Variants in VIRMA observed in about 807,000 individuals in gnomAD.
VIRMA encodes the protein protein virilizer homolog.
In VIRMA, 65 loss-of-function variants were observed where a neutral mutation model predicts 182.4. That is an observed-to-expected ratio of 0.36 (90% CI 0.29 to 0.44). The LOEUF is 0.44. Ranked by LOEUF, VIRMA falls within the 20% of genes least tolerant of loss-of-function variation. The pLI is 1.00. For missense variants in VIRMA, 1,752 were observed against 2,158.1 expected (o/e 0.81, Z 3.73); for synonymous variants, 709 against 743.1 (o/e 0.95, Z 0.75).
In VIRMA at chr8:94,531,091, G is replaced by T. The variant is rs949353573; in HGVS notation, c.485-6C>A. On this transcript the variant is annotated splice_region_variant and splice_polypyrimidine_tract_variant and intron_variant, in intron 5 of 23. Coordinates refer to ENST00000297591, the MANE Select transcript of VIRMA (RefSeq NM_015496.5). ...ATCTTCTTTCTCCCCATCAGCTAGT[G>T]TTTTATGGGAGACAGAAAAAGAACT... is the stretch of plus-strand genomic sequence containing the variant. The T allele has an allele frequency of 3.3e-5, 51 of 1,526,774 alleles. No individual in the cohort carries two copies. Among genetic ancestry groups the T allele is most frequent in the Non-Finnish European group, 4.2e-5 (48 of 1,142,062 alleles). 94.6% of individuals were successfully genotyped at this position (1,526,774 alleles called of 1,614,324 possible). A position where few individuals can be genotyped will look rare whatever the true frequency, so the allele number is the denominator to read the frequency against.
At chr8:94,507,324 G>A (rs866327388) in intron 15 of VIRMA, among the ~76,000 whole-genome samples, 14 of 151,466 alleles carry the variant, frequency 9.2e-5, no homozygotes, top group Middle Eastern at 3.4e-3. Context: ...TAGTATAGAC[G>A]GGGTTTCTCC....
At chr8:94,535,777 G>A (rs1815322033) in intron 4 of VIRMA, among the ~76,000 whole-genome samples, 1 of 147,104 alleles carries the variant, frequency 6.8e-6, no homozygotes. Context: ...GCGAGACTTG[G>A]TCTCAAAAAA....
intron 2 of VIRMA, among the ~76,000 whole-genome samples, chr8:94,541,030 T>G (rs1019609644): frequency 2.0e-5 from 3 of 151,872 alleles, no homozygotes; most frequent in Admixed American, 1.3e-4. Context: ...TATATATGTA[T>G]GAACACACAC....
At chr8:94,538,229 T>C in intron 3 of VIRMA, 31 bp downstream of exon 3, 1 of 1,414,678 alleles carries the variant, frequency 7.1e-7, no homozygotes, top group Non-Finnish European at 1.0e-6. Flanking sequence ...AACTCATGAG[T>C]TTCTGGTGAA....
At chr8:94,505,009 C>G (rs1221938470) in intron 16 of VIRMA, among the ~76,000 whole-genome samples, 5 of 152,132 alleles carry the variant, frequency 3.3e-5, no homozygotes, top group Non-Finnish European at 7.4e-5. Flanking sequence ...CCTAACCCAA[C>G]TAGGAAAGCT....
chr8:94,550,290 A>ATTTTTTTTTTTTTTT (rs11356608), intron 1 of VIRMA, among the ~76,000 whole-genome samples: 1 of 143,096 alleles, frequency 7.0e-6, no homozygotes. Context: ...TCTCTGAACC[A>ATTTTTTTTTTTTTTT]TTTTTTTTTT....
chr8:94,506,107 T>C (rs764076253), intron 16 of VIRMA, among the ~76,000 whole-genome samples: 18 of 152,284 alleles, frequency 1.2e-4, no homozygotes, highest in Non-Finnish European at 8.8e-5. Context: ...CAATTCCCCA[T>C]AGATACTGAG....
chr8:94,527,422 T>C (rs1302772118), intron 7 of VIRMA, 59 bp from the exon 8 acceptor site: 6 of 1,046,330 alleles, frequency 5.7e-6, no homozygotes, highest in Non-Finnish European at 6.7e-6. Flanking sequence ...ATACATAAAT[T>C]CTGATTGAAC....
In VIRMA at chr8:94,511,663, G is replaced by C. The variant is rs776582061; in HGVS notation, c.2912C>G (p.Thr971Arg). 2.5e-6 allele frequency: 4 copies of C among 1,613,918 alleles called. No individual in the cohort carries two copies. Among genetic ancestry groups the C allele is most frequent in the Non-Finnish European group, 3.4e-6 (4 of 1,179,874 alleles). Residue 971 changes from threonine (T) to arginine (R), a missense_variant, in exon 13 of 24, where the codon ACG (threonine) becomes AGG (arginine). By Grantham distance (71) the Thr-to-Arg change is moderately conservative. Coordinates refer to ENST00000297591, the MANE Select transcript of VIRMA (RefSeq NM_015496.5). ...IQLFSAEGMD[T>R]FIRVLQKLNS... ...CAATTTTTGCAGAACTCGAATAAACGTGTCCATTCCTTCAGCAGAAAAAAG... is the reference window on the plus strand; with the variant it reads ...CAATTTTTGCAGAACTCGAATAAACCTGTCCATTCCTTCAGCAGAAAAAAG...
chr8:94,550,948 A>C (rs1815964456), intron 1 of VIRMA, among the ~76,000 whole-genome samples: 1 of 151,270 alleles, frequency 6.6e-6, no homozygotes. Context: ...CGAACTCCTG[A>C]CGTCAGGCAA....
intron 12 of VIRMA, 75 bp downstream of exon 12, chr8:94,511,921 T>G: frequency 1.2e-6 from 1 of 813,398 alleles, no homozygotes; most frequent in Non-Finnish European, 1.7e-6. Flanking sequence ...GTTTAATAAT[T>G]AACTAAATAT....
intron 1 of VIRMA, among the ~76,000 whole-genome samples, chr8:94,548,625 AGATATAGT>A (rs1815861608): frequency 6.8e-6 from 1 of 147,612 alleles, no homozygotes; most frequent in South Asian, 2.1e-4. Context: ...TTAACATTAG[AGATATAGT>A]GTGCTTTTTT....
In VIRMA at chr8:94,501,376, A is replaced by G. The variant is rs140903229; in HGVS notation, c.4098-1870T>C. Among the ~76,000 whole-genome samples the G allele has an allele frequency of 3.4e-3, 515 of 150,806 alleles. 1 individual carries two copies. The highest frequency in any genetic ancestry group is 0.012 in the African/African-American group (497 of 40,528). ...ACCATATAACCAAACTGAAGGAGAC[A>G]GGGAAGAAATAAGCTGACATAAATA... On this transcript the variant is annotated intron_variant, in intron 16 of 23. Coordinates refer to ENST00000297591, the MANE Select transcript of VIRMA (RefSeq NM_015496.5).
At chr8:94,529,664 G>A (rs1219190281) in intron 6 of VIRMA, among the ~76,000 whole-genome samples, 3 of 151,620 alleles carry the variant, frequency 2.0e-5, no homozygotes, top group South Asian at 4.2e-4. Context: ...TTTGAGACAA[G>A]AGTCTCACTC....
At chr8:94,541,279 G>C (rs554254976) in intron 2 of VIRMA, among the ~76,000 whole-genome samples, 1 of 151,458 alleles carries the variant, frequency 6.6e-6, no homozygotes, top group Admixed American at 6.6e-5. Context: ...GAGCCACCAC[G>C]CCCAACTAAT....
chr8:94,527,053 A>G lies in VIRMA; in HGVS notation c.1191T>C (p.Gly397=). ...ELLDLYREDR[G]AKWVTALEEI... ...CTTCTAAAGCTGTTACCCATTTTGC[A>G]CCTCTATCTTCTCTATACAAATCTA... Residue 397 remains glycine (G), a synonymous_variant, in exon 8 of 24, where the codon GGT becomes GGC. Coordinates refer to ENST00000297591, the MANE Select transcript of VIRMA (RefSeq NM_015496.5). The G allele has an allele frequency of 6.2e-7, 1 of 1,614,128 alleles. No individual in the cohort carries two copies. The highest frequency in any genetic ancestry group is 8.5e-7 in the Non-Finnish European group (1 of 1,179,990).
intron 4 of VIRMA, among the ~76,000 whole-genome samples, chr8:94,536,188 CAGA>C (rs1163962676): frequency 1.3e-5 from 2 of 152,110 alleles, no homozygotes; most frequent in African/African-American, 4.8e-5. Context: ...AACTGGGGAC[CAGA>C]AGAAGGGTTC....
chr8:94,495,052 G>T, intron 19 of VIRMA, 96 bp from the exon 20 acceptor site: 1 of 817,284 alleles, frequency 1.2e-6, no homozygotes, highest in Non-Finnish European at 2.1e-6. Flanking sequence ...CCCAGCTGGA[G>T]CGCAGTGGCA....
In VIRMA at chr8:94,537,099, T is replaced by C; in HGVS notation, c.315+4A>G. On this transcript the variant is annotated splice_donor_region_variant and intron_variant, in intron 4 of 23. Coordinates refer to ENST00000297591, the MANE Select transcript of VIRMA (RefSeq NM_015496.5). The stretch of plus-strand genomic sequence containing the variant: ...ACAAGCTGAAAACTGACTTCCAGAA[T>C]TACCTTTGAGTTAGGTCTAAAGATG... 1 of 1,593,214 alleles carries C rather than the reference T, an allele frequency of 6.3e-7. No individual in the cohort carries two copies. The highest frequency in any genetic ancestry group is 8.6e-7 in the Non-Finnish European group (1 of 1,161,116).
Sources: allele counts gnomAD v4.1 joint callset (sites outside exome capture counted in the v4.1 genomes callset), GRCh38; gene constraint gnomAD v4.1.1; transcripts MANE v1.5; gene names NCBI Gene and HGNC (gene_info 2026-07-23, HGNC 2026-07-21).